DCBLD2: variants seen among roughly 807,000 people sequenced by gnomAD.
DCBLD2 encodes discoidin, CUB and LCCL domain containing 2, also known as discoidin, CUB and LCCL domain-containing protein 2.
In DCBLD2, 54 loss-of-function variants were observed where a neutral mutation model predicts 86.8. The observed-to-expected ratio is 0.62, with a 90% confidence interval of 0.50 to 0.78. The LOEUF is 0.78. Among genes scored for constraint, DCBLD2 ranks in the 30% least tolerant of loss-of-function variants. The probability of loss-of-function intolerance (pLI) is 0.00; values close to 1 mark genes in which losing one functional copy is unlikely to be tolerated. For synonymous variants in DCBLD2, 354 were observed against 341.3 expected, an observed-to-expected ratio of 1.04 and a Z score of -0.41; for missense variants, 908 against 954.2, an observed-to-expected ratio of 0.95 and a Z score of 0.64.
intron 3 of DCBLD2, among the ~76,000 whole-genome samples, chr3:98,844,519 G>T (rs1006340090): frequency 5.9e-5 from 9 of 151,708 alleles, no homozygotes; most frequent in African/African-American, 2.2e-4. Context: ...CCACCACCAC[G>T]CCCGGCTAAT....
Position 98,799,613 on chromosome 3 carries a change from G to A in DCBLD2, c.2087C>T (p.Pro696Leu). The change falls in exon 16 of 16, where the codon CCC becomes CTC. Residue 696 changes from proline to leucine, a missense_variant. By Grantham distance (98) the Pro-to-Leu change is moderately conservative. This residue lies in a region of DCBLD2 where 606 missense variants were observed against 678.5 expected (regional missense o/e 0.89). Transcript: ENST00000326840. ...CGTAGCCTTGAAAGTGGATGTGGAG[G>A]GCTGACCAACTGAAGTTGTGGGGTG... ...SGHPTTSVGQ[P>L]STSTFKATGN... The A allele has an allele frequency of 6.2e-7, 1 of 1,613,984 alleles. No homozygotes were observed. Among genetic ancestry groups the A allele is most frequent in the Non-Finnish European group, 8.5e-7 (1 of 1,179,876 alleles).
chr3:98,800,345 T>C (rs759351138), intron 15 of DCBLD2, among the ~76,000 whole-genome samples: 47 of 152,210 alleles, frequency 3.1e-4, no homozygotes, highest in Admixed American at 1.4e-3. Context: ...TCAGTTAACA[T>C]ACATAATGCC....
intron 2 of DCBLD2, among the ~76,000 whole-genome samples, chr3:98,867,592 G>T (rs890424334): frequency 1.3e-5 from 2 of 152,178 alleles, no homozygotes; most frequent in Non-Finnish European, 2.9e-5. Context: ...GTGAAAACCT[G>T]TAATGATCAA....
chr3:98,876,543 A>G (rs1335103775), intron 2 of DCBLD2, among the ~76,000 whole-genome samples: 1 of 152,074 alleles, frequency 6.6e-6, no homozygotes, highest in East Asian at 1.9e-4. Flanking sequence ...CAATTGGCAA[A>G]ACTTAAAAGA....
intron 2 of DCBLD2, among the ~76,000 whole-genome samples, chr3:98,870,278 T>C (rs1943235613): frequency 6.6e-6 from 1 of 152,310 alleles, no homozygotes; most frequent in East Asian, 1.9e-4. Flanking sequence ...CTGGGTTCTC[T>C]ATTCTGTTTC....
intron 1 of DCBLD2, among the ~76,000 whole-genome samples, chr3:98,897,321 C>T (rs1380193783): frequency 6.6e-6 from 1 of 152,116 alleles, no homozygotes; most frequent in Non-Finnish European, 1.5e-5. Flanking sequence ...ATCATTCACA[C>T]GTGTGGATTG....
chr3:98,899,808 A>T (rs1176052374), intron 1 of DCBLD2, among the ~76,000 whole-genome samples: 1 of 152,186 alleles, frequency 6.6e-6, no homozygotes, highest in East Asian at 1.9e-4. Flanking sequence ...AGATTCAAGG[A>T]GTTAATAAAC....
At chr3:98,870,773 GAA>G (rs1191250762) in intron 2 of DCBLD2, among the ~76,000 whole-genome samples, 1 of 148,738 alleles carries the variant, frequency 6.7e-6, no homozygotes, top group East Asian at 2.0e-4. Context: ...AAGAAAGAAA[GAA>G]AGAAAGAAAG....
At chr3:98,821,145 T>C (rs1942113963) in intron 6 of DCBLD2, 2 of 152,198 alleles carry the variant, frequency 1.3e-5, no homozygotes, top group Admixed American at 6.5e-5. Context: ...CTGTAAAGCC[T>C]AAAATATTTA....
At chr3:98,864,872 C>G (rs1026809227) in intron 2 of DCBLD2, among the ~76,000 whole-genome samples, 1 of 151,464 alleles carries the variant, frequency 6.6e-6, no homozygotes, top group Non-Finnish European at 1.5e-5. Flanking sequence ...AAAAAATGTT[C>G]TGCACCGTTA....
At chr3:98,838,091 G>A (rs1326919621) in intron 3 of DCBLD2, among the ~76,000 whole-genome samples, 3 of 141,068 alleles carry the variant, frequency 2.1e-5, no homozygotes, top group African/African-American at 5.3e-5. Context: ...GGCCAGGCCG[G>A]GGGCTGAACC....
At chr3:98,861,726 A>T (rs1943047746) in intron 2 of DCBLD2, among the ~76,000 whole-genome samples, 1 of 152,220 alleles carries the variant, frequency 6.6e-6, no homozygotes, top group Admixed American at 6.5e-5. Context: ...CATTTAAAGC[A>T]GTGTGTAGAG....
intron 1 of DCBLD2, among the ~76,000 whole-genome samples, chr3:98,895,686 G>A (rs1431858454): frequency 6.6e-6 from 1 of 151,972 alleles, no homozygotes; most frequent in Non-Finnish European, 1.5e-5. Context: ...TATTATAGTA[G>A]GCGTCTCCTG....
chr3:98,829,735 G>A (rs1462665104), intron 3 of DCBLD2, among the ~76,000 whole-genome samples: 1 of 152,116 alleles, frequency 6.6e-6, no homozygotes, highest in African/African-American at 2.4e-5. Context: ...AACAATATGA[G>A]TGCAATTTAT....
intron 1 of DCBLD2, among the ~76,000 whole-genome samples, chr3:98,890,973 T>G (rs955663650): frequency 6.6e-6 from 1 of 152,068 alleles, no homozygotes; most frequent in Non-Finnish European, 1.5e-5. Context: ...ACGCATTCAA[T>G]GAACAACCTC....
intron 2 of DCBLD2, among the ~76,000 whole-genome samples, chr3:98,855,045 G>A (rs1235501354): frequency 1.3e-5 from 2 of 152,060 alleles, no homozygotes; most frequent in Non-Finnish European, 2.9e-5. Flanking sequence ...ATACCAGTAA[G>A]GGAGTAAAAT....
chr3:98,881,172 T>C (rs1576201064), intron 2 of DCBLD2, among the ~76,000 whole-genome samples: 1 of 150,950 alleles, frequency 6.6e-6, no homozygotes, highest in South Asian at 2.1e-4. Context: ...GAGGATAGCT[T>C]GAACCCAGGA....
chr3:98,860,795 G>A (rs945672855), intron 2 of DCBLD2, among the ~76,000 whole-genome samples: 1 of 152,164 alleles, frequency 6.6e-6, no homozygotes, highest in Admixed American at 6.5e-5. Flanking sequence ...GACCATCAAT[G>A]CTTGGAAGAA....
Position 98,901,144 on chromosome 3 carries a change from G to A in DCBLD2, c.183C>T (p.Leu61=), listed in dbSNP as rs1253130385. ...LLLLLVLLLL[L]EDAGAQQGDG... is the part of the protein sequence containing the mutation. ...CACCTTGCTGGGCTCCAGCGTCCTCGAGCAGCAGGAGCAGGACAAGTAAGA... is the reference window on the plus strand; with the variant it reads ...CACCTTGCTGGGCTCCAGCGTCCTCAAGCAGCAGGAGCAGGACAAGTAAGA... The change falls in exon 1 of 16, where the codon CTC becomes CTT. Residue 61 remains leucine (L), a synonymous_variant. Coordinates refer to ENST00000326840, the MANE Select transcript of DCBLD2 (RefSeq NM_080927.4). 2.6e-6 allele frequency: 4 copies of A among 1,539,216 alleles called. No homozygotes were observed. The highest frequency in any genetic ancestry group is 1.2e-5 in the South Asian group (1 of 84,024).
Sources: allele counts gnomAD v4.1 joint callset (sites outside exome capture counted in the v4.1 genomes callset), GRCh38; gene constraint gnomAD v4.1.1; regional missense constraint gnomAD v4.1.1; transcripts MANE v1.5; gene names NCBI Gene and HGNC (gene_info 2026-07-23, HGNC 2026-07-21).